The following SIK3 variants were observed in gnomAD, a reference collection of about 807,000 sequenced individuals.
SIK3 encodes the protein serine/threonine-protein kinase SIK3.
In SIK3, 28 loss-of-function variants were observed where a neutral mutation model predicts 144.2. The observed-to-expected ratio is 0.19, with a 90% CI of 0.14 to 0.27. SIK3 has a LOEUF of 0.27. Among genes scored for constraint, SIK3 ranks in the 10% least tolerant of loss-of-function variants. The pLI is 1.00. For synonymous variants in SIK3, 686 were observed against 676.3 expected, an observed-to-expected ratio of 1.01 and a Z score of -0.22; for missense variants, 1,319 against 1,776.0, an observed-to-expected ratio of 0.74 and a Z score of 4.62.
intron 1 of SIK3, among the ~76,000 whole-genome samples, chr11:117,096,653 G>T (rs1955487266): frequency 6.6e-6 from 1 of 152,096 alleles, no homozygotes; most frequent in Non-Finnish European, 1.5e-5. Context: ...GCTGAAGAGG[G>T]CCCTCCAGAG....
intron 1 of SIK3, among the ~76,000 whole-genome samples, chr11:117,079,325 T>C (rs1181569694): frequency 1.3e-5 from 2 of 152,186 alleles, no homozygotes; most frequent in Non-Finnish European, 2.9e-5. Flanking sequence ...TAAATGATAG[T>C]GTTGCTTTTT....
At chr11:117,058,934 G>A (rs182721215) in intron 1 of SIK3, among the ~76,000 whole-genome samples, 38 of 152,306 alleles carry the variant, frequency 2.5e-4, no homozygotes, top group Admixed American at 6.5e-4. Context: ...GGAGAACTGC[G>A]GATACTGATG....
At chr11:117,070,356 T>C (rs1296894880) in intron 1 of SIK3, among the ~76,000 whole-genome samples, 2 of 152,064 alleles carry the variant, frequency 1.3e-5, no homozygotes, top group Non-Finnish European at 2.9e-5. Context: ...GAAGCTAAGA[T>C]AAGAAGATCA....
At position 116,952,951 on chromosome 11, in the gene SIK3, T is replaced by A. The variant is rs539872222; in HGVS notation, c.454+1093A>T. ...ATTGAGTATAAATTTCTATCACCAT[T>A]AGCTTTGACATTAACTAATCACATA... On this transcript the variant is annotated intron_variant, in intron 3 of 24. Transcript: ENST00000445177. Among the ~76,000 whole-genome samples, 9 of 152,338 alleles carry A rather than the reference T, an allele frequency of 5.9e-5. No individual in the cohort carries two copies. In the South Asian group the frequency reaches 1.9e-3, roughly 32 times the overall value.
Position 116,858,153 on chromosome 11 carries a change from G to A in SIK3, c.3312C>T (p.His1104=), listed in dbSNP as rs753895576. Residue 1104 remains histidine, a synonymous_variant, in exon 21 of 25, where the codon CAC becomes CAT. Coordinates refer to ENST00000445177, the MANE Select transcript of SIK3 (RefSeq NM_001366686.3). The surrounding 1 kb of genome is among the most constrained non-coding windows in gnomAD (Gnocchi z 5.4). ...SYQNADSYHH[H]TSPQHLLQIR... ...TTTGTAGCAGATGCTGGGGGCTGGT[G>A]TGATGGTGATAAGAGTCAGCATTTT... 3.1e-6 allele frequency: 5 copies of A among 1,614,028 alleles called. No individual in the cohort carries two copies. In the East Asian group the frequency reaches 6.7e-5, roughly 22 times the overall value.
At chr11:116,900,101 A>C (rs1945654788) in intron 4 of SIK3, among the ~76,000 whole-genome samples, 1 of 152,116 alleles carries the variant, frequency 6.6e-6, no homozygotes, top group Non-Finnish European at 1.5e-5. Flanking sequence ...ACCACTCTTA[A>C]GTTCTTGGCA....
At chr11:116,895,314 T>C (rs1256443754) in intron 6 of SIK3, among the ~76,000 whole-genome samples, 1 of 152,202 alleles carries the variant, frequency 6.6e-6, no homozygotes, top group Non-Finnish European at 1.5e-5. Flanking sequence ...TCTTTCAGGC[T>C]TTGCTGAAAG....
intron 3 of SIK3, 80 bp from the exon 4 acceptor site, chr11:116,927,460 A>C: frequency 7.1e-7 from 1 of 1,402,190 alleles, no homozygotes; most frequent in East Asian, 2.3e-5. Context: ...GAGGGCTACA[A>C]GGGGCCCTCT....
At chr11:117,020,937 G>A (rs1035250370) in intron 1 of SIK3, among the ~76,000 whole-genome samples, 16 of 152,314 alleles carry the variant, frequency 1.1e-4, no homozygotes, top group African/African-American at 3.6e-4. Context: ...AAAACCACCT[G>A]GAGCCTGTGA....
chr11:116,914,780 T>A (rs1351312791), intron 4 of SIK3, among the ~76,000 whole-genome samples: 1 of 152,208 alleles, frequency 6.6e-6, no homozygotes, highest in Non-Finnish European at 1.5e-5. Flanking sequence ...CATGGTATAC[T>A]TGGATTAGAA....
chr11:116,904,518 T>C (rs1945920562), intron 4 of SIK3, among the ~76,000 whole-genome samples: 3 of 152,108 alleles, frequency 2.0e-5, no homozygotes. Flanking sequence ...AGACTTCAGA[T>C]ACAAAAAAAC....
intron 1 of SIK3, among the ~76,000 whole-genome samples, chr11:117,029,211 T>A (rs1018749386): frequency 5.3e-5 from 8 of 152,200 alleles, no homozygotes; most frequent in African/African-American, 1.7e-4. Context: ...GCCCAGCCTA[T>A]CCCAGCACTT....
At chr11:116,863,020 G>A (rs1295407968) in intron 16 of SIK3, among the ~76,000 whole-genome samples, 2 of 151,574 alleles carry the variant, frequency 1.3e-5, no homozygotes, top group African/African-American at 2.4e-5. Context: ...GATGCAGTGA[G>A]CTGAGATTGT....
At chr11:117,028,778 C>T (rs1327763761) in intron 1 of SIK3, among the ~76,000 whole-genome samples, 2 of 152,136 alleles carry the variant, frequency 1.3e-5, no homozygotes, top group African/African-American at 4.8e-5. Context: ...GAAATCAAGA[C>T]CAGGCTCATG....
intron 1 of SIK3, among the ~76,000 whole-genome samples, chr11:116,961,783 A>G (rs549462491): frequency 6.6e-6 from 1 of 152,336 alleles, no homozygotes; most frequent in South Asian, 2.1e-4. Flanking sequence ...ACACTGTATC[A>G]AGTATGCTAC....
intron 3 of SIK3, among the ~76,000 whole-genome samples, chr11:116,938,745 C>T (rs1387660011): frequency 6.6e-6 from 1 of 151,810 alleles, no homozygotes; most frequent in Non-Finnish European, 1.5e-5. Flanking sequence ...GACATCTTGC[C>T]TAAAAGCAAC....
At chr11:116,961,162 A>C (rs1466301756) in intron 1 of SIK3, among the ~76,000 whole-genome samples, 2 of 152,248 alleles carry the variant, frequency 1.3e-5, no homozygotes, top group Non-Finnish European at 2.9e-5. Context: ...ACACTGGTCT[A>C]CTTCTTCACA....
At chr11:117,004,083 C>T (rs977663139) in intron 1 of SIK3, among the ~76,000 whole-genome samples, 3 of 152,162 alleles carry the variant, frequency 2.0e-5, no homozygotes, top group African/African-American at 7.2e-5. Context: ...CTCCAAATAT[C>T]ATCTGATCAT....
At chr11:117,005,883 C>T (rs976245396) in intron 1 of SIK3, among the ~76,000 whole-genome samples, 1 of 152,108 alleles carries the variant, frequency 6.6e-6, no homozygotes, top group Admixed American at 6.5e-5. Flanking sequence ...CTGAAACTGA[C>T]ACCACTGCAG....
Sources: gnomAD v4.1 joint callset for allele counts (sites outside exome capture counted in the v4.1 genomes callset) on GRCh38, gnomAD v4.1.1 for gene constraint, Gnocchi (gnomAD v3.1) non-coding constraint, MANE v1.5 for transcripts, NCBI Gene and HGNC (gene_info 2026-07-23, HGNC 2026-07-21) for gene names.